ZNRF1: variants seen among roughly 807,000 people sequenced by gnomAD.
ZNRF1 encodes zinc and ring finger 1.
In ZNRF1, 3 loss-of-function variants were observed where a neutral mutation model predicts 18.4. The observed-to-expected ratio is 0.16, with a 90% CI of 0.07 to 0.42. The LOEUF is 0.42. Ranked by LOEUF, ZNRF1 falls within the 10% of genes least tolerant of loss-of-function variation. The probability of loss-of-function intolerance (pLI) is 0.99; values close to 1 mark genes in which losing one functional copy is unlikely to be tolerated. For synonymous variants in ZNRF1, 157 were observed against 144.2 expected (o/e 1.09, Z -0.64); for missense variants, 310 against 329.8 (o/e 0.94, Z 0.47).
intron 1 of ZNRF1, 101 bp from the exon 2 acceptor site, chr16:75,093,471 T>C (rs1395450096): frequency 1.4e-5 from 12 of 874,748 alleles, no homozygotes; most frequent in Middle Eastern, 2.2e-4. Flanking sequence ...ATCCTCCACA[T>C]TGACCCTGAG....
At chr16:75,063,319 C>G (rs1195318804) in intron 1 of ZNRF1, among the ~76,000 whole-genome samples, 2 of 152,300 alleles carry the variant, frequency 1.3e-5, no homozygotes, top group East Asian at 1.9e-4. Flanking sequence ...CGAGCAGACC[C>G]TCTAGCCTCC....
At chr16:75,011,416 A>G (rs896547994) in intron 1 of ZNRF1, among the ~76,000 whole-genome samples, 2 of 152,092 alleles carry the variant, frequency 1.3e-5, no homozygotes, top group African/African-American at 4.8e-5. Flanking sequence ...ACTTTTTTTC[A>G]GAGACAAGGT....
chr16:75,059,229 C>CTTTTTTTTTTTTTTTTTTT (rs35291578), intron 1 of ZNRF1, among the ~76,000 whole-genome samples: 15 of 92,914 alleles, frequency 1.6e-4, no homozygotes, highest in Non-Finnish European at 1.4e-4. Flanking sequence ...TTCTTTCTTT[C>CTTTTTTTTTTTTTTTTTTT]TTTTTTTTTT....
chr16:75,009,493 T>G (rs1305213485), intron 1 of ZNRF1, among the ~76,000 whole-genome samples: 1 of 152,248 alleles, frequency 6.6e-6, no homozygotes, highest in African/African-American at 2.4e-5. Context: ...CGTATTCCAT[T>G]GTCTGTCTAC....
intron 1 of ZNRF1, among the ~76,000 whole-genome samples, chr16:75,085,805 A>AGAGAGAGAGAGAGAGAGAGAGAGAGAGT (rs1447237026): frequency 6.8e-5 from 10 of 148,092 alleles, no homozygotes; most frequent in African/African-American, 2.6e-4. Flanking sequence ...AGAGAGAGAG[A>AGAGAGAGAGAGAGAGAGAGAGAGAGAGT]GAGAGAGAGA....
chr16:75,031,212 A>G (rs879367947), intron 1 of ZNRF1, among the ~76,000 whole-genome samples: 55 of 150,720 alleles, frequency 3.6e-4, no homozygotes, highest in Admixed American at 9.3e-4. Context: ...GCTCTCCGCA[A>G]TCTCCGCCTC....
At chr16:75,047,837 A>G (rs1014014230) in intron 1 of ZNRF1, among the ~76,000 whole-genome samples, 3 of 152,244 alleles carry the variant, frequency 2.0e-5, no homozygotes, top group African/African-American at 4.8e-5. Context: ...GCCGAGATCA[A>G]GGTATTAGCA....
At chr16:75,005,323 G>A (rs2034903883) in intron 1 of ZNRF1, among the ~76,000 whole-genome samples, 1 of 152,176 alleles carries the variant, frequency 6.6e-6, no homozygotes, top group African/African-American at 2.4e-5. Flanking sequence ...TGCTTATTGA[G>A]GTTTGAATGG....
chr16:75,037,558 G>A (rs2035391709), intron 1 of ZNRF1, among the ~76,000 whole-genome samples: 1 of 151,976 alleles, frequency 6.6e-6, no homozygotes, highest in South Asian at 2.1e-4. Context: ...ACGCTGGTCT[G>A]GAACTCCTGA....
chr16:75,058,984 C>G (rs1353839436), intron 1 of ZNRF1, among the ~76,000 whole-genome samples: 1 of 152,094 alleles, frequency 6.6e-6, no homozygotes, highest in Non-Finnish European at 1.5e-5. Flanking sequence ...ATATAAACAA[C>G]TAGATACTGG....
At chr16:75,049,298 C>A (rs1271715006) in intron 1 of ZNRF1, among the ~76,000 whole-genome samples, 1 of 152,096 alleles carries the variant, frequency 6.6e-6, no homozygotes, top group Non-Finnish European at 1.5e-5. Flanking sequence ...AGCACCACAC[C>A]CGGCCTGGAA....
chr16:75,013,683 T>C (rs1029994128), intron 1 of ZNRF1, among the ~76,000 whole-genome samples: 2 of 152,158 alleles, frequency 1.3e-5, no homozygotes, highest in Admixed American at 1.3e-4. Context: ...GAAGTTTTAG[T>C]CCTGCGGTTA....
chr16:75,100,371 G>C (rs759709255), intron 2 of ZNRF1, among the ~76,000 whole-genome samples: 1 of 152,188 alleles, frequency 6.6e-6, no homozygotes, highest in Non-Finnish European at 1.5e-5. Context: ...AAGAAGAATC[G>C]CCCTCGCGCC....
intron 1 of ZNRF1, among the ~76,000 whole-genome samples, chr16:75,020,908 G>T (rs987035763): frequency 6.6e-6 from 1 of 152,072 alleles, no homozygotes; most frequent in Non-Finnish European, 1.5e-5. Context: ...TCTGTTACAG[G>T]CTACTCTTAA....
At chr16:75,106,641 A>G in intron 4 of ZNRF1, 70 bp downstream of exon 4, 26 of 1,339,772 alleles carry the variant, frequency 1.9e-5, no homozygotes, top group Non-Finnish European at 2.7e-5. Context: ...CCTGCAGTTT[A>G]GGGAGCCGGG....
intron 1 of ZNRF1, among the ~76,000 whole-genome samples, chr16:75,060,826 A>G (rs1416602698): frequency 1.3e-5 from 2 of 152,072 alleles, no homozygotes; most frequent in Non-Finnish European, 2.9e-5. Context: ...TGATGGTAGA[A>G]TTCCAAGGTC....
At position 75,070,544 on chromosome 16, in the gene ZNRF1, T is replaced by G. The variant is rs112909883; in HGVS notation, c.425-23028T>G. Among the ~76,000 whole-genome samples, 1,320 of 152,280 alleles carry G rather than the reference T, an allele frequency of 8.7e-3. 10 individuals carry two copies. The highest frequency in any genetic ancestry group is 0.015 in the South Asian group (72 of 4,828). On this transcript the variant is annotated intron_variant, in intron 1 of 4. Coordinates refer to ENST00000335325, the MANE Select transcript of ZNRF1 (RefSeq NM_032268.5). ...CAGCATTTTTTAAAAGGAAACCTAT[T>G]TATTGCAGTTTACTCTCCATACAAA...
At chr16:75,107,028 GC>G (rs1305704005) in intron 4 of ZNRF1, 3 of 176,146 alleles carry the variant, frequency 1.7e-5, no homozygotes, top group Non-Finnish European at 3.7e-5. Context: ...CATGGGCAGT[GC>G]ATTGTTCCCT....
intron 1 of ZNRF1, among the ~76,000 whole-genome samples, chr16:75,002,783 A>G (rs2145312712): frequency 6.6e-6 from 1 of 152,332 alleles, no homozygotes. Context: ...TGTCTTCTCT[A>G]GGTTCCTGAC....
Sources: gnomAD v4.1 joint callset for allele counts (sites outside exome capture counted in the v4.1 genomes callset) on GRCh38, gnomAD v4.1.1 for gene constraint, MANE v1.5 for transcripts, NCBI Gene and HGNC (gene_info 2026-07-23, HGNC 2026-07-21) for gene names.